Variants in PLSCR2 observed in about 807,000 individuals in gnomAD.
PLSCR2 encodes phospholipid scramblase 2.
Under a neutral mutation model 25.3 loss-of-function variants are expected in PLSCR2, and 18 were observed. The observed-to-expected ratio is 0.71, with a 90% confidence interval of 0.49 to 1.06. The LOEUF (loss-of-function observed/expected upper bound fraction) is 1.06. PLSCR2 is among the 50% of genes least tolerant of loss of function. The probability of loss-of-function intolerance (pLI) is 0.00; values close to 1 mark genes in which losing one functional copy is unlikely to be tolerated. For synonymous variants in PLSCR2, 88 were observed against 87.3 expected (o/e 1.01, Z -0.04); for missense variants, 243 against 269.5 (o/e 0.90, Z 0.69).
At chr3:146,455,139 C>A in intron 4 of PLSCR2, 100 bp downstream of exon 4, 1 of 764,968 alleles carries the variant, frequency 1.3e-6, no homozygotes, top group South Asian at 1.7e-5. Context: ...GCTCATGGAG[C>A]CATATTCATT....
intron 1 of PLSCR2, among the ~76,000 whole-genome samples, chr3:146,472,891 TCTG>T (rs2042164585): frequency 6.6e-6 from 1 of 152,230 alleles, no homozygotes; most frequent in Admixed American, 6.5e-5. Context: ...AAAATCATCA[TCTG>T]TTGAAGCCTC....
At chr3:146,483,507 A>G (rs1160428131) in intron 1 of PLSCR2, among the ~76,000 whole-genome samples, 1 of 132,402 alleles carries the variant, frequency 7.6e-6, no homozygotes, top group Non-Finnish European at 1.6e-5. Context: ...ATATATATAT[A>G]TAATGTTACT....
intron 2 of PLSCR2, among the ~76,000 whole-genome samples, chr3:146,458,818 T>C (rs1434550678): frequency 2.6e-5 from 4 of 152,126 alleles, no homozygotes; most frequent in Non-Finnish European, 5.9e-5. Flanking sequence ...ATTTTACATC[T>C]ACTTCATATA....
At chr3:146,494,407 T>C (rs2043672535) in intron 1 of PLSCR2, among the ~76,000 whole-genome samples, 1 of 152,170 alleles carries the variant, frequency 6.6e-6, no homozygotes, top group Admixed American at 6.5e-5. Context: ...AGTATATTAC[T>C]GTTTTTCATG....
At chr3:146,462,389 G>A (rs1406717930), upstream of PLSCR2, among the ~76,000 whole-genome samples, 1 of 152,014 alleles carries the variant, frequency 6.6e-6, no homozygotes, top group Non-Finnish European at 1.5e-5. Flanking sequence ...GCTGCATGTG[G>A]CCTTGGTAGG....
intron 8 of PLSCR2, among the ~76,000 whole-genome samples, chr3:146,435,594 C>A (rs967244019): frequency 1.3e-5 from 2 of 152,072 alleles, no homozygotes; most frequent in African/African-American, 4.8e-5. Flanking sequence ...CTGTTCATAT[C>A]CTTCGCCCAC....
chr3:146,395,432 T>A (rs1168967920), intron 3 of PLSCR2, among the ~76,000 whole-genome samples: 3 of 152,192 alleles, frequency 2.0e-5, no homozygotes, highest in Non-Finnish European at 4.4e-5. Flanking sequence ...AAATAAAGTG[T>A]AACAAGCATG....
chr3:146,393,852 A>C (rs1298002002), intron 3 of PLSCR2, among the ~76,000 whole-genome samples: 1 of 151,634 alleles, frequency 6.6e-6, no homozygotes, highest in East Asian at 1.9e-4. Context: ...TAATCAACTT[A>C]TTCATTTTGT....
intron 2 of PLSCR2, among the ~76,000 whole-genome samples, chr3:146,410,969 CG>C (rs2038828194): frequency 1.3e-5 from 2 of 152,156 alleles, no homozygotes; most frequent in African/African-American, 4.8e-5. Flanking sequence ...CTGCAGGTGA[CG>C]GCCCATTCGA....
chr3:146,404,560 C>T (rs904491010), intron 2 of PLSCR2, among the ~76,000 whole-genome samples: 2 of 152,256 alleles, frequency 1.3e-5, no homozygotes, highest in African/African-American at 4.8e-5. Context: ...CCACTTCTAG[C>T]CACCAAAATT....
At chr3:146,482,899 A>C (rs887533227) in intron 1 of PLSCR2, among the ~76,000 whole-genome samples, 7 of 152,226 alleles carry the variant, frequency 4.6e-5, no homozygotes, top group African/African-American at 1.4e-4. Context: ...GCAGCCATAA[A>C]AAATGATGAG....
chr3:146,432,629 T>C (rs1441904399), downstream of PLSCR2, among the ~76,000 whole-genome samples: 1 of 152,192 alleles, frequency 6.6e-6, no homozygotes, highest in African/African-American at 2.4e-5. Flanking sequence ...AAAATACTTT[T>C]ATAGAATCTA....
In PLSCR2 at chr3:146,427,272, C is replaced by T. The variant is rs187428147; in HGVS notation, c.100+31139G>A. ...CTAACTGTAGAATCTATATTAGTTC[C>T]TAGAGAACAATCAGTCAAGCCATGG... On this transcript the variant is annotated intron_variant and NMD_transcript_variant, in intron 2 of 3. Coordinates refer to the PLSCR2 transcript ENST00000463633. Among the ~76,000 whole-genome samples, 232 of 152,160 alleles carry T rather than the reference C, an allele frequency of 1.5e-3. 3 individuals carry two copies. Among genetic ancestry groups the T allele is most frequent in the Non-Finnish European group, 1.4e-3 (94 of 68,004 alleles).
chr3:146,399,125 G>GT (rs1198870718), intron 2 of PLSCR2, among the ~76,000 whole-genome samples: 1 of 151,858 alleles, frequency 6.6e-6, no homozygotes, highest in Non-Finnish European at 1.5e-5. Context: ...TTTTAGGCAT[G>GT]TATGAGAATT....
chr3:146,444,162 G>C (rs913148181), intron 6 of PLSCR2, among the ~76,000 whole-genome samples: 1 of 151,824 alleles, frequency 6.6e-6, no homozygotes, highest in Non-Finnish European at 1.5e-5. Context: ...AATCTTTAAG[G>C]CTTTTTTTGT....
chr3:146,396,263 C>T (rs1044394858), intron 2 of PLSCR2, among the ~76,000 whole-genome samples: 3 of 152,148 alleles, frequency 2.0e-5, no homozygotes, highest in Non-Finnish European at 4.4e-5. Context: ...TACACAGCTT[C>T]CCAACTCTTT....
At chr3:146,438,257 T>TG (rs2040008650), downstream of PLSCR2, among the ~76,000 whole-genome samples, 1 of 152,216 alleles carries the variant, frequency 6.6e-6, no homozygotes, top group African/African-American at 2.4e-5. Context: ...TCTGTTGATC[T>TG]GGGGTGGAGA....
At chr3:146,428,987 C>A (rs548244934), downstream of PLSCR2, among the ~76,000 whole-genome samples, 1 of 152,322 alleles carries the variant, frequency 6.6e-6, no homozygotes, top group African/African-American at 2.4e-5. Context: ...ACTGCAGGAA[C>A]CTTCTCATGT....
chr3:146,393,977 A>C (rs1024794740), intron 3 of PLSCR2, among the ~76,000 whole-genome samples: 1 of 151,952 alleles, frequency 6.6e-6, no homozygotes, highest in Admixed American at 6.6e-5. Flanking sequence ...ACTTTTTAAC[A>C]CTTGTCTCTA....
Sources: gnomAD v4.1 joint callset for allele counts (sites outside exome capture counted in the v4.1 genomes callset) on GRCh38, gnomAD v4.1.1 for gene constraint, MANE v1.5 for transcripts, NCBI Gene and HGNC (gene_info 2026-07-23, HGNC 2026-07-21) for gene names.